The following MAN2A1 variants were observed in gnomAD, a reference collection of about 807,000 sequenced individuals.
MAN2A1 encodes alpha-mannosidase 2.
Under a neutral mutation model 142.6 loss-of-function variants are expected in MAN2A1, and 76 were observed. The observed-to-expected ratio is 0.53, with a 90% CI of 0.44 to 0.65. The LOEUF (loss-of-function observed/expected upper bound fraction) is 0.65, where lower values mean the gene tolerates loss of function less well. MAN2A1 is among the 30% of genes least tolerant of loss of function. The pLI, the probability that MAN2A1 is intolerant of heterozygous loss-of-function variation, is 0.00. For missense variants in MAN2A1, 1,311 were observed against 1,365.1 expected, an observed-to-expected ratio of 0.96 and a Z score of 0.62; for synonymous variants, 559 against 473.2, an observed-to-expected ratio of 1.18 and a Z score of -2.35.
At chr5:109,848,298 C>G (rs953123891) in intron 19 of MAN2A1, among the ~76,000 whole-genome samples, 2 of 152,156 alleles carry the variant, frequency 1.3e-5, no homozygotes, top group African/African-American at 4.8e-5. Flanking sequence ...GTTGAATGGT[C>G]TGGCAAAAGC....
At chr5:109,764,833 A>G (rs981481705) in intron 5 of MAN2A1, among the ~76,000 whole-genome samples, 2 of 151,908 alleles carry the variant, frequency 1.3e-5, no homozygotes, top group Non-Finnish European at 2.9e-5. Flanking sequence ...GACAATACAT[A>G]CTCCTTTTTT....
At chr5:109,788,570 A>G (rs17162235) in intron 10 of MAN2A1, among the ~76,000 whole-genome samples, 10,555 of 151,944 alleles carry the variant, frequency 0.069, 400 homozygotes, top group African/African-American at 0.1. Flanking sequence ...AACCCTTGTT[A>G]GAGCTTTTTC....
intron 6 of MAN2A1, 136 bp downstream of exon 6, chr5:109,767,844 A>C (rs1240017657): frequency 1.5e-6 from 1 of 665,968 alleles, no homozygotes; most frequent in African/African-American, 1.8e-5. Context: ...TCACTCTCGT[A>C]ATTATTTTTC....
intron 13 of MAN2A1, among the ~76,000 whole-genome samples, chr5:109,819,100 C>A (rs1200137770): frequency 6.6e-6 from 1 of 152,146 alleles, no homozygotes; most frequent in African/African-American, 2.4e-5. Flanking sequence ...TACAACTATT[C>A]TATTTTTCGC....
chr5:109,836,287 GT>G (rs201375238), intron 16 of MAN2A1, among the ~76,000 whole-genome samples: 2 of 150,656 alleles, frequency 1.3e-5, no homozygotes, highest in African/African-American at 4.9e-5. Flanking sequence ...TTTTTGTGGG[GT>G]TTTTTTTTAG....
intron 12 of MAN2A1, among the ~76,000 whole-genome samples, chr5:109,805,110 A>G (rs938354720): frequency 2.0e-5 from 3 of 152,182 alleles, no homozygotes; most frequent in African/African-American, 7.2e-5. Flanking sequence ...AGAACATCTT[A>G]ATGTTTTAGG....
chr5:109,859,818 T>TCA lies in MAN2A1; in HGVS notation c.3171+4485_3171+4486dup, dbSNP rs1424144618. 9.9e-5 allele frequency among the ~76,000 whole-genome samples: 15 copies of TCA among 151,368 alleles called. 1 individual carries two copies. The highest frequency in any genetic ancestry group is 3.4e-4 in the African/African-American group (14 of 41,264). ...GGGACAAAGAGGAAGCTGGATAAGC[T>TCA]CAGCTTCATGGAGCCATTCTACTTG... On this transcript the variant is annotated intron_variant, in intron 20 of 21. Coordinates refer to ENST00000261483, the MANE Select transcript of MAN2A1 (RefSeq NM_002372.4).
rs1441493193 is a variant in MAN2A1 at position 109,815,799 on chromosome 5, A to G, written c.1944-1474A>G. 2.0e-5 allele frequency among the ~76,000 whole-genome samples: 3 copies of G among 152,184 alleles called. No homozygotes were observed. In the East Asian group the frequency reaches 5.8e-4, roughly 29 times the overall value. On this transcript the variant is annotated intron_variant, in intron 12 of 21. Transcript: ENST00000261483. Reference sequence around the variant, plus strand: ...GAAGAATACTGGTAAGCTTGGTGCTACCATCTATAGCTACAATGTATTGGG... The same window carrying G: ...GAAGAATACTGGTAAGCTTGGTGCTGCCATCTATAGCTACAATGTATTGGG...
chr5:109,750,591 C>A (rs935360545), intron 4 of MAN2A1, among the ~76,000 whole-genome samples: 3 of 152,040 alleles, frequency 2.0e-5, no homozygotes, highest in Non-Finnish European at 4.4e-5. Context: ...AAGCTATGTG[C>A]TTTCTGGCCT....
chr5:109,756,661 T>C (rs533421734), intron 5 of MAN2A1, among the ~76,000 whole-genome samples: 2 of 152,300 alleles, frequency 1.3e-5, no homozygotes, highest in Admixed American at 1.3e-4. Flanking sequence ...TATTTCTTAT[T>C]ATCAGAACCA....
intron 5 of MAN2A1, among the ~76,000 whole-genome samples, chr5:109,757,975 G>GGCTGC (rs1752734671): frequency 6.6e-6 from 1 of 151,954 alleles, no homozygotes; most frequent in South Asian, 2.1e-4. Context: ...TTTTGCTTTT[G>GGCTGC]GCTGCTGTGA....
chr5:109,842,504 G>T, intron 17 of MAN2A1, 43 bp downstream of exon 17: 1 of 1,343,510 alleles, frequency 7.4e-7, no homozygotes, highest in East Asian at 2.4e-5. Context: ...TTGTATTGGT[G>T]TGTAATTCTT....
chr5:109,770,194 C>G (rs1164981863), intron 6 of MAN2A1, among the ~76,000 whole-genome samples, 161 bp from the exon 7 acceptor site: 2 of 152,118 alleles, frequency 1.3e-5, no homozygotes, highest in African/African-American at 4.8e-5. Context: ...GACAGGTGGC[C>G]ATTAAATACC....
In MAN2A1 at chr5:109,698,254, C is replaced by T. The variant is rs932432334; in HGVS notation, c.135+7702C>T. Among the ~76,000 whole-genome samples, 7 of 152,198 alleles carry T rather than the reference C, an allele frequency of 4.6e-5. No homozygotes were observed. In the East Asian group the frequency reaches 5.8e-4, roughly 13 times the overall value. ...CTCAGCCGGTCTCTGGGATCCTGAG[C>T]GTTGCTCAGCTTGGAGGCAGGGTAC... On this transcript the variant is annotated intron_variant, in intron 1 of 21. Transcript: ENST00000261483.
chr5:109,714,944 C>G (rs1751410361), intron 2 of MAN2A1, among the ~76,000 whole-genome samples: 1 of 147,990 alleles, frequency 6.8e-6, no homozygotes, highest in African/African-American at 2.5e-5. Context: ...TTGTTGAGTA[C>G]TTCTTGAGTA....
At chr5:109,712,652 T>C (rs887740009) in intron 1 of MAN2A1, among the ~76,000 whole-genome samples, 2 of 152,222 alleles carry the variant, frequency 1.3e-5, no homozygotes, top group East Asian at 3.9e-4. Context: ...TTGCTAGTTA[T>C]AACATCACCT....
intron 8 of MAN2A1, among the ~76,000 whole-genome samples, chr5:109,775,304 A>G (rs112070848): frequency 5.3e-5 from 8 of 152,208 alleles, no homozygotes; most frequent in African/African-American, 1.7e-4. Context: ...CAACATTGAA[A>G]GTCTGTTATT....
At chr5:109,706,779 A>G (rs150544056) in intron 1 of MAN2A1, among the ~76,000 whole-genome samples, 118 of 152,302 alleles carry the variant, frequency 7.7e-4, no homozygotes, top group African/African-American at 2.6e-3. Flanking sequence ...GAAAGGTGGT[A>G]TAGATCCTAA....
intron 6 of MAN2A1, 151 bp from the exon 7 acceptor site, chr5:109,770,204 C>T (rs1010612777): frequency 7.9e-6 from 5 of 631,802 alleles, no homozygotes; most frequent in Admixed American, 5.8e-5. Context: ...CATTAAATAC[C>T]GCTGGGGTAT....
Sources: allele counts gnomAD v4.1 joint callset (sites outside exome capture counted in the v4.1 genomes callset), GRCh38; gene constraint gnomAD v4.1.1; transcripts MANE v1.5; gene names NCBI Gene and HGNC (gene_info 2026-07-23, HGNC 2026-07-21).